Variants in FANCA observed in about 807,000 individuals in gnomAD.
FANCA encodes FA complementation group A, also known as Fanconi anemia group A protein.
In FANCA, 236 loss-of-function variants were observed where a neutral mutation model predicts 194.3. The ratio of observed to expected loss-of-function variants is 1.21; its 90% CI spans 1.09 to 1.35. FANCA has a LOEUF of 1.35. FANCA is among the 40% of genes most tolerant of loss of function. FANCA has a pLI of 0.00. For missense variants in FANCA, 2,628 were observed against 1,813.9 expected (o/e 1.45, Z -8.15); for synonymous variants, 1,014 against 715.8 (o/e 1.42, Z -6.65).
chr16:89,812,350 CAAAA>C (rs974209566), intron 3 of FANCA, among the ~76,000 whole-genome samples: 1 of 145,502 alleles, frequency 6.9e-6, no homozygotes, highest in Non-Finnish European at 1.5e-5. Context: ...AAAAACAAAA[CAAAA>C]AAAAACTGGA....
chr16:89,740,185 G>A (rs879538082), intron 38 of FANCA, 86 bp from the exon 39 acceptor site: 18 of 1,047,214 alleles, frequency 1.7e-5, no homozygotes, highest in African/African-American at 4.7e-5. Flanking sequence ...ACAGAAGAGG[G>A]CATTTCCTCT....
At chr16:89,739,795 T>G in intron 39 of FANCA, 199 bp downstream of exon 39, 9 of 1,467,188 alleles carry the variant, frequency 6.1e-6, no homozygotes, top group Non-Finnish European at 6.3e-6. Context: ...GATAGGCCCA[T>G]TGGTCCTGGG....
chr16:89,791,828 G>C, intron 13 of FANCA, 99 bp downstream of exon 13: 4 of 1,483,474 alleles, frequency 2.7e-6, no homozygotes, highest in Middle Eastern at 2.2e-4. Context: ...GGTAGGGAAG[G>C]GCTTCACTGA....
At chr16:89,808,044 C>T (rs1320513804) in intron 6 of FANCA, among the ~76,000 whole-genome samples, 11 of 147,746 alleles carry the variant, frequency 7.4e-5, no homozygotes, top group South Asian at 6.5e-4. Flanking sequence ...GGCCACAGAG[C>T]GAGACTCCGT....
At chr16:89,739,369 G>A (rs764710767) in intron 40 of FANCA, 80 bp from the exon 41 acceptor site, 4 of 1,594,100 alleles carry the variant, frequency 2.5e-6, no homozygotes, top group Non-Finnish European at 3.4e-6. Flanking sequence ...CTGCTCATCT[G>A]TGGAGCAGAG....
At chr16:89,769,785 G>A (rs1236180255) in intron 26 of FANCA, 52 bp downstream of exon 26, 6 of 1,591,782 alleles carry the variant, frequency 3.8e-6, no homozygotes, top group Admixed American at 3.4e-5. Flanking sequence ...ACGAGCATGT[G>A]TCACTTTTCG....
intron 7 of FANCA, 37 bp from the exon 8 acceptor site, chr16:89,803,378 C>T (rs745479296): frequency 5.1e-6 from 8 of 1,574,408 alleles, no homozygotes; most frequent in Non-Finnish European, 7.0e-6. Flanking sequence ...TTATGGACAT[C>T]ATGGTCTCCA....
chr16:89,741,794 G>C (rs929609719), intron 37 of FANCA, among the ~76,000 whole-genome samples: 2 of 152,054 alleles, frequency 1.3e-5, no homozygotes, highest in Non-Finnish European at 2.9e-5. Context: ...AGCTTATCTG[G>C]GGCTGTCCCT....
At chr16:89,816,468 A>C in intron 1 of FANCA, 69 bp downstream of exon 1, 1 of 1,356,886 alleles carries the variant, frequency 7.4e-7, no homozygotes, top group Non-Finnish European at 9.7e-7. Context: ...GCGGGAAGGG[A>C]TCGGGGAACC....
chr16:89,791,050 G>A (rs1410157989), intron 14 of FANCA: 1 of 117,610 alleles, frequency 8.5e-6, no homozygotes, highest in Non-Finnish European at 1.6e-5. Context: ...TTTTTTTTTG[G>A]TGGAGATGAG....
chr16:89,759,421 T>C (rs2038874805), intron 29 of FANCA, among the ~76,000 whole-genome samples: 1 of 148,398 alleles, frequency 6.7e-6, no homozygotes, highest in African/African-American at 2.5e-5. Flanking sequence ...TGAAGCAACC[T>C]GCATCCAGAC....
At position 89,784,900 on chromosome 16, in the gene FANCA, G is replaced by C. The variant is rs761957732; in HGVS notation, c.1424C>G (p.Thr475Arg). Residue 475 changes from threonine (T) to arginine (R), a missense_variant, in exon 15 of 43, where the codon ACG (threonine) becomes AGG (arginine). Coordinates refer to ENST00000389301, the MANE Select transcript of FANCA (RefSeq NM_000135.4). Reference protein sequence around the residue: ...CSKKALVFLFTFLSELVPFES... With the variant: ...CSKKALVFLFRFLSELVPFES... ...AAAAGGCACGAGTTCTGACAAGAAC[G>C]TAAACAGGAAGACCAGGGCCTTCTT... 6.2e-7 allele frequency: 1 copy of C among 1,614,160 alleles called. No homozygotes were observed. The highest frequency in any genetic ancestry group is 8.5e-7 in the Non-Finnish European group (1 of 1,180,016).
intron 40 of FANCA, 27 bp downstream of exon 40, chr16:89,739,451 C>G (rs2062066162): frequency 2.6e-6 from 4 of 1,551,970 alleles, no homozygotes; most frequent in Non-Finnish European, 3.5e-6. Context: ...ACTGCCCAGC[C>G]CTGACCAGCC....
intron 3 of FANCA, among the ~76,000 whole-genome samples, chr16:89,812,128 G>A (rs1449119879): frequency 1.3e-5 from 2 of 150,300 alleles, no homozygotes; most frequent in African/African-American, 2.4e-5. Flanking sequence ...AAGGTCAGGA[G>A]ATCGAGACCA....
At chr16:89,799,089 T>G (rs751090997) in intron 10 of FANCA, 77 bp downstream of exon 10, 2 of 1,614,088 alleles carry the variant, frequency 1.2e-6, no homozygotes, top group Admixed American at 3.3e-5. Flanking sequence ...TCTGGAAGTG[T>G]TTAAAATATC....
In FANCA at chr16:89,792,088, T is replaced by C. The variant is rs1800329; in HGVS notation, c.1084-20A>G. 1 of 1,614,014 alleles carries C rather than the reference T, an allele frequency of 6.2e-7. No homozygotes were observed. Among genetic ancestry groups the C allele is most frequent in the Non-Finnish European group, 8.5e-7 (1 of 1,179,992 alleles). On this transcript the variant is annotated intron_variant, in intron 12 of 42. Coordinates refer to ENST00000389301, the MANE Select transcript of FANCA (RefSeq NM_000135.4). ...AAAGAGCTGAAATAAAAGCATCCGC[T>C]CCCTTCAATATCCAAGCAAACCAAT...
chr16:89,745,114 G>A lies in FANCA; in HGVS notation c.3514-43C>T, dbSNP rs1276254150. 18 of 1,518,814 alleles carry A rather than the reference G, an allele frequency of 1.2e-5. No homozygotes were observed. In the South Asian group the frequency reaches 1.6e-4, roughly 13 times the overall value. The allele number at this position is 1,518,814 out of a possible 1,614,324, so 94.1% of individuals were successfully genotyped here. A position where few individuals can be genotyped will look rare whatever the true frequency, so the allele number is the denominator to read the frequency against. On this transcript the variant is annotated intron_variant, in intron 35 of 42. Coordinates refer to ENST00000389301, the MANE Select transcript of FANCA (RefSeq NM_000135.4). ...GCACACAGATGAGGGTGGCTGAGAT[G>A]GACACACCTCCGCTGCCCCAGCCAT...
At position 89,746,567 on chromosome 16, in the gene FANCA, C is replaced by G. The variant is rs1384600024; in HGVS notation, c.3513+17G>C. 3 of 1,609,808 alleles carry G rather than the reference C, an allele frequency of 1.9e-6. No homozygotes were observed. Among genetic ancestry groups the G allele is most frequent in the East Asian group, 4.5e-5 (2 of 44,864 alleles). On this transcript the variant is annotated intron_variant, in intron 35 of 42. Transcript: ENST00000389301. ...CTCATCCCCAAAACAAAACACCAAA[C>G]AAGACAGCTGACCCACCAGAGCAGA...
Position 89,762,513 on chromosome 16 carries a change from G to A in FANCA, c.2779-491C>T, listed in dbSNP as rs1318814269. ...GGAGGCTGAGGCAGGAGGATCTCTT[G>A]AGCCCAGGAGGTCAAGGCTGCAGTG... On this transcript the variant is annotated intron_variant, in intron 28 of 42. Coordinates refer to ENST00000389301, the MANE Select transcript of FANCA (RefSeq NM_000135.4). The A allele has an allele frequency of 1.8e-5, 4 of 223,724 alleles. No individual in the cohort carries two copies. In the South Asian group the frequency reaches 2.0e-4, roughly 11 times the overall value. 13.9% of individuals were successfully genotyped at this position (223,724 alleles called of 1,614,324 possible). A position where few individuals can be genotyped will look rare whatever the true frequency, so the allele number is the denominator to read the frequency against.
Sources: allele counts gnomAD v4.1 joint callset (sites outside exome capture counted in the v4.1 genomes callset), GRCh38; gene constraint gnomAD v4.1.1; transcripts MANE v1.5; gene names NCBI Gene and HGNC (gene_info 2026-07-23, HGNC 2026-07-21).